ZFHX3: variants seen among roughly 807,000 people sequenced by gnomAD.
ZFHX3 encodes the protein zinc finger homeobox 3, also known as zinc finger homeobox protein 3.
Under a neutral mutation model 279.1 loss-of-function variants are expected in ZFHX3, and 42 were observed. The ratio of observed to expected loss-of-function variants is 0.15; its 90% CI spans 0.12 to 0.19. ZFHX3 has a LOEUF of 0.19. ZFHX3 is among the 10% of genes least tolerant of loss of function. The pLI is 1.00. For synonymous variants in ZFHX3, 2,293 were observed against 1,957.8 expected (o/e 1.17, Z -4.52); for missense variants, 4,981 against 4,754.0 (o/e 1.05, Z -1.40).
chr16:73,724,228 A>G lies in ZFHX3; in HGVS notation c.-1607-43988T>C, dbSNP rs114838780. 4.0e-3 allele frequency among the ~76,000 whole-genome samples: 613 copies of G among 152,218 alleles called. 3 individuals carry two copies. The highest frequency in any genetic ancestry group is 0.014 in the African/African-American group (567 of 41,544). ...CACATAACCAAATAAAAGGCTGACA[A>G]CTCCTGTGTGAGCTGCCAAAATTTA... is the stretch of plus-strand genomic sequence containing the variant. On this transcript the variant is annotated intron_variant, in intron 1 of 17. Transcript: ENST00000641206.
chr16:73,270,440 G>C (rs1010979095), intron 4 of ZFHX3, among the ~76,000 whole-genome samples: 1 of 152,262 alleles, frequency 6.6e-6, no homozygotes, highest in East Asian at 1.9e-4. Flanking sequence ...CTTCCATGCT[G>C]AGCTCATCTC....
At chr16:72,861,558 C>G (rs111907252) in intron 4 of ZFHX3, among the ~76,000 whole-genome samples, 2 of 152,122 alleles carry the variant, frequency 1.3e-5, no homozygotes, top group Admixed American at 6.5e-5. Context: ...CCTAATACCC[C>G]CAAGGAAGCC....
At chr16:73,214,446 G>T (rs1344233565) in intron 5 of ZFHX3, among the ~76,000 whole-genome samples, 1 of 152,086 alleles carries the variant, frequency 6.6e-6, no homozygotes, top group Non-Finnish European at 1.5e-5. Flanking sequence ...AAAGGAGGAA[G>T]ATTCCAAAAT....
At chr16:73,397,905 C>T (rs536701393) in intron 3 of ZFHX3, among the ~76,000 whole-genome samples, 18 of 152,198 alleles carry the variant, frequency 1.2e-4, no homozygotes, top group South Asian at 4.2e-4. Flanking sequence ...AGTGCAATGG[C>T]GCAATCTTGG....
chr16:73,427,920 G>T (rs1486687521), intron 3 of ZFHX3, among the ~76,000 whole-genome samples: 1 of 152,108 alleles, frequency 6.6e-6, no homozygotes, highest in Admixed American at 6.5e-5. Flanking sequence ...TCCTGCTTGG[G>T]CGACAGAGCG....
At chr16:72,985,090 G>A (rs895599375) in intron 1 of ZFHX3, among the ~76,000 whole-genome samples, 8 of 152,070 alleles carry the variant, frequency 5.3e-5, no homozygotes, top group East Asian at 3.9e-4. Context: ...TCTGAGAAAC[G>A]TCACTTAATA....
chr16:73,799,873 G>T (rs993594227), intron 1 of ZFHX3, among the ~76,000 whole-genome samples: 5 of 151,850 alleles, frequency 3.3e-5, no homozygotes, highest in African/African-American at 9.7e-5. Flanking sequence ...ACGCACATAG[G>T]ATGCACATAA....
intron 4 of ZFHX3, among the ~76,000 whole-genome samples, chr16:72,841,793 A>G (rs1276118628): frequency 6.6e-6 from 1 of 152,328 alleles, no homozygotes; most frequent in African/African-American, 2.4e-5. Context: ...CCATTCCACA[A>G]ATGTATACAG....
chr16:73,310,321 A>G (rs867264392), intron 4 of ZFHX3, among the ~76,000 whole-genome samples: 2 of 152,182 alleles, frequency 1.3e-5, no homozygotes, highest in African/African-American at 2.4e-5. Context: ...TATTATTGAC[A>G]TTATTAGCAC....
At chr16:73,532,851 C>A (rs1411149429) in intron 2 of ZFHX3, among the ~76,000 whole-genome samples, 1 of 152,160 alleles carries the variant, frequency 6.6e-6, no homozygotes, top group Non-Finnish European at 1.5e-5. Flanking sequence ...TGAGTTCTCA[C>A]CAGATCTGAT....
intron 2 of ZFHX3, among the ~76,000 whole-genome samples, chr16:73,583,187 G>A (rs1023684593): frequency 6.6e-6 from 1 of 152,052 alleles, no homozygotes; most frequent in African/African-American, 2.4e-5. Context: ...CTTCTCATCT[G>A]CTCCCATTCC....
intron 4 of ZFHX3, among the ~76,000 whole-genome samples, chr16:72,877,117 A>G (rs887202814): frequency 2.0e-5 from 3 of 152,228 alleles, no homozygotes; most frequent in Non-Finnish European, 4.4e-5. Flanking sequence ...ACAGCCCGGT[A>G]TGGCACAAAT....
intron 4 of ZFHX3, among the ~76,000 whole-genome samples, chr16:73,271,790 C>T (rs1258670739): frequency 3.9e-5 from 6 of 152,184 alleles, no homozygotes; most frequent in Admixed American, 6.5e-5. Flanking sequence ...TGCCCTCCAC[C>T]GAACTGCCTT....
At chr16:73,146,527 A>C (rs893278541) in intron 5 of ZFHX3, among the ~76,000 whole-genome samples, 1 of 152,248 alleles carries the variant, frequency 6.6e-6, no homozygotes. Flanking sequence ...ACAATAAACA[A>C]CTAGAAAGCA....
intron 1 of ZFHX3, among the ~76,000 whole-genome samples, chr16:72,983,829 G>A (rs1962728278): frequency 6.6e-6 from 1 of 152,196 alleles, no homozygotes; most frequent in Non-Finnish European, 1.5e-5. Flanking sequence ...CACCAGCACA[G>A]GTCTAACTAC....
intron 5 of ZFHX3, among the ~76,000 whole-genome samples, chr16:73,172,571 C>T (rs1363392707): frequency 6.6e-6 from 1 of 152,190 alleles, no homozygotes; most frequent in Non-Finnish European, 1.5e-5. Flanking sequence ...ATGGCGTAGG[C>T]CGTGTTCAAG....
intron 5 of ZFHX3, among the ~76,000 whole-genome samples, chr16:73,173,410 C>T (rs1967587106): frequency 6.9e-6 from 1 of 143,966 alleles, no homozygotes; most frequent in African/African-American, 2.5e-5. Flanking sequence ...TTCTCGCTCT[C>T]CCCAAGATAT....
chr16:73,282,063 C>T (rs181233182), intron 4 of ZFHX3, among the ~76,000 whole-genome samples: 27 of 152,266 alleles, frequency 1.8e-4, no homozygotes, highest in Non-Finnish European at 3.7e-4. Context: ...CTGAAGTCCG[C>T]GAATTGTGTG....
At chr16:73,692,334 C>A (rs2053157150) in intron 1 of ZFHX3, among the ~76,000 whole-genome samples, 1 of 152,124 alleles carries the variant, frequency 6.6e-6, no homozygotes, top group Non-Finnish European at 1.5e-5. Flanking sequence ...AGATGGGGAG[C>A]TACAGAAGAG....
Sources: gnomAD v4.1 joint callset for allele counts (sites outside exome capture counted in the v4.1 genomes callset) on GRCh38, gnomAD v4.1.1 for gene constraint, MANE v1.5 for transcripts, NCBI Gene and HGNC (gene_info 2026-07-23, HGNC 2026-07-21) for gene names.